Variants in PLCE1 observed in about 807,000 individuals in gnomAD.
PLCE1 encodes 1-phosphatidylinositol 4,5-bisphosphate phosphodiesterase epsilon-1.
Under a neutral mutation model 242.8 loss-of-function variants are expected in PLCE1, and 119 were observed. That is an observed-to-expected ratio of 0.49 (90% CI 0.42 to 0.57). PLCE1 has a LOEUF of 0.57. PLCE1 is among the 20% of genes least tolerant of loss of function. The probability of loss-of-function intolerance (pLI) is 0.00; values close to 1 mark genes in which losing one functional copy is unlikely to be tolerated. For synonymous variants in PLCE1, 945 were observed against 1,017.4 expected (o/e 0.93, Z 1.35); for missense variants, 2,441 against 2,788.8 (o/e 0.88, Z 2.81).
intron 2 of PLCE1, among the ~76,000 whole-genome samples, chr10:94,079,549 G>GT (rs1398087748): frequency 1.3e-5 from 2 of 152,096 alleles, no homozygotes; most frequent in Non-Finnish European, 2.9e-5. Flanking sequence ...GTATACCTAT[G>GT]TAACAAAACT....
intron 4 of PLCE1, among the ~76,000 whole-genome samples, chr10:94,210,297 A>G (rs1197205391): frequency 1.3e-5 from 2 of 151,698 alleles, no homozygotes; most frequent in Non-Finnish European, 2.9e-5. Context: ...TACTCCTCTG[A>G]GGTTAAAACT....
chr10:94,148,603 T>C (rs2047184537), intron 3 of PLCE1, among the ~76,000 whole-genome samples: 1 of 152,154 alleles, frequency 6.6e-6, no homozygotes, highest in Non-Finnish European at 1.5e-5. Context: ...TTTCTCCTTC[T>C]CTAGCTCAAC....
chr10:94,002,609 C>A (rs1042992787), intron 1 of PLCE1, among the ~76,000 whole-genome samples: 1 of 152,082 alleles, frequency 6.6e-6, no homozygotes, highest in Non-Finnish European at 1.5e-5. Context: ...AGACATACTT[C>A]TGTTTATATT....
intron 2 of PLCE1, among the ~76,000 whole-genome samples, chr10:94,127,742 A>G (rs919166609): frequency 2.6e-5 from 4 of 152,116 alleles, no homozygotes; most frequent in Non-Finnish European, 5.9e-5. Context: ...TCTAGCCACA[A>G]CCTTATGAGG....
intron 2 of PLCE1, among the ~76,000 whole-genome samples, chr10:94,087,568 C>T (rs1043486277): frequency 5.9e-5 from 9 of 151,702 alleles, no homozygotes; most frequent in South Asian, 2.1e-4. Context: ...TGTCAAGTAG[C>T]GGAGACTACA....
chr10:94,126,414 G>A (rs1485400953), intron 2 of PLCE1, among the ~76,000 whole-genome samples: 1 of 152,194 alleles, frequency 6.6e-6, no homozygotes, highest in Middle Eastern at 3.4e-3. Flanking sequence ...ATATATAATA[G>A]CCTACAATTT....
chr10:94,060,574 A>C (rs770222774), intron 2 of PLCE1, among the ~76,000 whole-genome samples: 10 of 152,134 alleles, frequency 6.6e-5, no homozygotes, highest in Non-Finnish European at 1.0e-4. Flanking sequence ...TGCAAGGATT[A>C]GTGAATTTAT....
intron 2 of PLCE1, among the ~76,000 whole-genome samples, chr10:94,064,523 C>G (rs2044146600): frequency 1.3e-5 from 2 of 152,058 alleles, no homozygotes; most frequent in Admixed American, 6.6e-5. Flanking sequence ...GCCTGGGTGA[C>G]AGAGTGAGAC....
intron 11 of PLCE1, among the ~76,000 whole-genome samples, chr10:94,256,330 A>G (rs918892685): frequency 7.4e-6 from 1 of 134,378 alleles, no homozygotes; most frequent in African/African-American, 3.0e-5. Context: ...TCTCAAAAAA[A>G]AAAAAAAAAA....
chr10:94,293,433 A>G (rs2052706139), intron 22 of PLCE1, 75 bp from the exon 23 acceptor site: 1 of 1,522,882 alleles, frequency 6.6e-7, no homozygotes, highest in Non-Finnish European at 9.1e-7. Flanking sequence ...CAAAATAAAT[A>G]TTAATGGGGA....
intron 17 of PLCE1, 57 bp from the exon 18 acceptor site, chr10:94,270,429 C>A: frequency 1.8e-6 from 2 of 1,100,516 alleles, no homozygotes; most frequent in Non-Finnish European, 2.8e-6. Flanking sequence ...AACTACCCTG[C>A]CTTCTGACCA....
intron 29 of PLCE1, among the ~76,000 whole-genome samples, chr10:94,320,206 C>T (rs1337619312): frequency 6.6e-6 from 1 of 152,014 alleles, no homozygotes; most frequent in Non-Finnish European, 1.5e-5. Flanking sequence ...AAACAGTATA[C>T]ATAGGATACA....
At chr10:94,313,177 C>T in intron 27 of PLCE1, 77 bp from the exon 28 acceptor site, 17 of 1,554,638 alleles carry the variant, frequency 1.1e-5, no homozygotes, top group Non-Finnish European at 1.5e-5. Flanking sequence ...CTTCTAAGTA[C>T]TAGCACCTCT....
At chr10:94,153,378 G>GA (rs1033569656) in intron 3 of PLCE1, among the ~76,000 whole-genome samples, 26 of 151,484 alleles carry the variant, frequency 1.7e-4, no homozygotes, top group South Asian at 4.2e-4. Context: ...ATCTTTTTAT[G>GA]AAAAAAAACA....
chr10:94,309,712 C>A (rs984896920), intron 27 of PLCE1, among the ~76,000 whole-genome samples: 3 of 152,122 alleles, frequency 2.0e-5, no homozygotes, highest in African/African-American at 4.8e-5. Context: ...GGACCATGGC[C>A]CCCTCACTAA....
At position 94,031,536 on chromosome 10, in the gene PLCE1, A is replaced by T. The variant is rs1215621414; in HGVS notation, c.490A>T (p.Ser164Cys). The T allele has an allele frequency of 1.9e-6, 3 of 1,612,260 alleles. No individual in the cohort carries two copies. The South Asian group carries it at 3.3e-5, about 18-fold the overall frequency. ...ACTAGACAGACCTTCCATGGGCATT[A>T]GTCCTTTAGGAAATCAGTCAGTGAT... is the stretch of plus-strand genomic sequence containing the variant. The part of the protein sequence containing the change: ...LELDRPSMGI[S>C]PLGNQSVIIE... Residue 164 changes from serine (S) to cysteine (C), a missense_variant, in exon 2 of 33, where the codon AGT (serine) becomes TGT (cysteine). By Grantham distance (112) the Ser-to-Cys change is moderately radical. Transcript: ENST00000371380.
At chr10:94,263,361 A>G (rs1485979603) in intron 14 of PLCE1, among the ~76,000 whole-genome samples, 1 of 151,910 alleles carries the variant, frequency 6.6e-6, no homozygotes, top group African/African-American at 2.4e-5. Context: ...TAAAAATACA[A>G]AAATTAGCCA....
At chr10:94,084,384 AG>A (rs991964119) in intron 2 of PLCE1, among the ~76,000 whole-genome samples, 10 of 152,276 alleles carry the variant, frequency 6.6e-5, no homozygotes, top group African/African-American at 2.4e-4. Flanking sequence ...AGTTTGGGGT[AG>A]GGAAGAACTG....
chr10:94,156,321 A>T (rs2136165597), intron 3 of PLCE1, among the ~76,000 whole-genome samples: 1 of 152,296 alleles, frequency 6.6e-6, no homozygotes, highest in African/African-American at 2.4e-5. Flanking sequence ...CCCACTTCAG[A>T]CACCAATCAC....
Sources: gnomAD v4.1 joint callset for allele counts (sites outside exome capture counted in the v4.1 genomes callset) on GRCh38, gnomAD v4.1.1 for gene constraint, MANE v1.5 for transcripts, NCBI Gene and HGNC (gene_info 2026-07-23, HGNC 2026-07-21) for gene names.